ATP8B3: variants seen among roughly 807,000 people sequenced by gnomAD.
The protein encoded by ATP8B3 is phospholipid-transporting ATPase IK.
In ATP8B3, 141 loss-of-function variants were observed where a neutral mutation model predicts 140.9. The ratio of observed to expected loss-of-function variants is 1.00; its 90% CI spans 0.87 to 1.15. The LOEUF is 1.15. Among genes scored for constraint, ATP8B3 ranks in the 50% most tolerant of loss-of-function variants. The probability of loss-of-function intolerance (pLI) is 0.00; values close to 1 mark genes in which losing one functional copy is unlikely to be tolerated. For missense variants in ATP8B3, 1,874 were observed against 1,740.6 expected (o/e 1.08, Z -1.36); for synonymous variants, 765 against 714.6 (o/e 1.07, Z -1.13).
chr19:1,783,578 C>T (rs2068220800), intron 28 of ATP8B3, among the ~76,000 whole-genome samples: 1 of 152,226 alleles, frequency 6.6e-6, no homozygotes, highest in Non-Finnish European at 1.5e-5. Flanking sequence ...TTCCCTGGGA[C>T]TTAACCCTGG....
intron 25 of ATP8B3, 108 bp from the exon 26 acceptor site, chr19:1,785,816 C>T (rs894775322): frequency 1.6e-6 from 2 of 1,248,210 alleles, no homozygotes; most frequent in Non-Finnish European, 1.1e-6. Flanking sequence ...CTGTGTGTGG[C>T]TCTTTGAGTT....
In ATP8B3 at chr19:1,806,471, C is replaced by A; in HGVS notation, c.677+157G>T. On this transcript the variant is annotated intron_variant, in intron 7 of 28. Coordinates refer to ENST00000310127, the MANE Select transcript of ATP8B3 (RefSeq NM_138813.4). This position sits in a 1 kb window ranked among gnomAD's most constrained non-coding sequence, Gnocchi z 5.6. ...GCCTCGGCCTCTGTCCTCGTCCCGG[C>A]CAAACGCCTAATGAATGCAGGCCCG... 3 of 1,467,826 alleles carry A rather than the reference C, an allele frequency of 2.0e-6. No individual in the cohort carries two copies. The Admixed American group carries it at 7.1e-5, about 35-fold the overall frequency. The allele number at this position is 1,467,826 out of a possible 1,614,324, so 90.9% of individuals were successfully genotyped here.
Position 1,806,631 on chromosome 19 carries a change from T to G in ATP8B3, c.674A>C (p.Lys225Thr), listed in dbSNP as rs1307946395. 6.4e-7 allele frequency: 1 copy of G among 1,558,140 alleles called. No individual in the cohort carries two copies. Among genetic ancestry groups the G allele is most frequent in the Non-Finnish European group, 8.7e-7 (1 of 1,151,266 alleles). Residue 225 changes from lysine (K) to threonine (T), a missense_variant, in exon 7 of 29, where the codon AAG becomes ACG. By Grantham distance (78) the Lys-to-Thr change is moderately conservative (BLOSUM62 -1). This residue lies in a region of ATP8B3 where 1,032 missense variants were observed against 963.6 expected (regional missense o/e 1.07). Coordinates refer to ENST00000310127, the MANE Select transcript of ATP8B3 (RefSeq NM_138813.4). This position sits in a 1 kb window ranked among gnomAD's most constrained non-coding sequence, Gnocchi z 5.6. ...NNRPCQILMG[K>T]SFKQKKWQDL... is the part of the protein sequence containing the mutation. ...CCAGCTGCAGCCCCAGCCTCACCTC[T>G]TCCCCATCAGAATCTGGCAGGGTCT...
chr19:1,785,209 G>A lies in ATP8B3; in HGVS notation c.3482C>T (p.Thr1161Ile). ...LGFYAIMTTT[T>I]QSFWLFRVSP... ...TACTCTGAAGAGCCAGAAGCTCTGG[G>A]TGGTGGTAGTCATGATGGCGTAGAA... Residue 1161 changes from threonine (T) to isoleucine (I), a missense_variant, in exon 27 of 29, where the codon ACC becomes ATC. By Grantham distance (89) the Thr-to-Ile change is moderately conservative (BLOSUM62 -1). This residue lies in a region of ATP8B3 where 840 missense variants were observed against 760.9 expected (regional missense o/e 1.10). Coordinates refer to ENST00000310127, the MANE Select transcript of ATP8B3 (RefSeq NM_138813.4). 2 of 1,606,100 alleles carry A rather than the reference G, an allele frequency of 1.2e-6. No homozygotes were observed. The highest frequency in any genetic ancestry group is 1.1e-5 in the South Asian group (1 of 89,658).
At chr19:1,785,980 T>G (rs1329175803) in intron 25 of ATP8B3, among the ~76,000 whole-genome samples, 2 of 151,464 alleles carry the variant, frequency 1.3e-5, no homozygotes, top group African/African-American at 4.9e-5. Context: ...AAAAACCTTT[T>G]AAAGGAGCTG....
Position 1,785,305 on chromosome 19 carries a change from G to C in ATP8B3, c.3394-8C>G. On this transcript the variant is annotated splice_polypyrimidine_tract_variant and splice_region_variant and intron_variant, in intron 26 of 28. Transcript: ENST00000310127. ...CTTGATGATAAGAATGACCTGGACA[G>C]GCAGCGGTGGGGTAAATCCGGGGCC... is the stretch of plus-strand genomic sequence containing the variant. 6 of 1,584,402 alleles carry C rather than the reference G, an allele frequency of 3.8e-6. No individual in the cohort carries two copies. The highest frequency in any genetic ancestry group is 2.3e-5 in the South Asian group (2 of 86,878).
At chr19:1,785,884 A>G (rs2068290565) in intron 25 of ATP8B3, among the ~76,000 whole-genome samples, 176 bp from the exon 26 acceptor site, 2 of 151,986 alleles carry the variant, frequency 1.3e-5, no homozygotes, top group Admixed American at 1.3e-4. Flanking sequence ...TAATCTCAGC[A>G]CTTTAGGAGG....
chr19:1,795,718 C>A (rs1228053437), intron 18 of ATP8B3, among the ~76,000 whole-genome samples, 157 bp downstream of exon 18: 1 of 149,736 alleles, frequency 6.7e-6, no homozygotes, highest in Non-Finnish European at 1.5e-5. Flanking sequence ...CATAGCCATC[C>A]CAGGTACCTG....
At position 1,800,336 on chromosome 19, in the gene ATP8B3, C is replaced by A. The variant is rs1320639902; in HGVS notation, c.1266G>T (p.Val422=). The A allele has an allele frequency of 6.2e-7, 1 of 1,612,586 alleles. No individual in the cohort carries two copies. The highest frequency in any genetic ancestry group is 1.3e-5 in the African/African-American group (1 of 74,828). The change falls in exon 13 of 29, where the codon GTG becomes GTT. Residue 422 remains valine (V), a synonymous_variant. Transcript: ENST00000310127. The surrounding 1 kb of genome is among the most constrained non-coding windows in gnomAD (Gnocchi z 4.4). ...YYLSGVHGSS[V]AAESFFVFWS... is the part of the protein sequence containing the mutation. ...AGAAGACGAAGAAGGACTCTGCGGC[C>A]ACGCTGCTCCCATGCACCCCCGAGA...
At chr19:1,809,024 A>G (rs917758025) in intron 4 of ATP8B3, among the ~76,000 whole-genome samples, 1 of 151,374 alleles carries the variant, frequency 6.6e-6, no homozygotes, top group Admixed American at 6.6e-5. Flanking sequence ...GATGCAAAAA[A>G]TTAGCCGGGC....
At chr19:1,792,235 A>G in intron 18 of ATP8B3, 100 bp from the exon 19 acceptor site, 2 of 1,364,494 alleles carry the variant, frequency 1.5e-6, no homozygotes, top group East Asian at 5.1e-5. Flanking sequence ...TGGGTCCCCC[A>G]ACCAAAAGCC....
chr19:1,794,655 G>A lies in ATP8B3; in HGVS notation c.2055+1220C>T, dbSNP rs7252799. Among the ~76,000 whole-genome samples the A allele has an allele frequency of 0.015, 2,286 of 152,218 alleles. 50 individuals are homozygous for A. The highest frequency in any genetic ancestry group is 0.053 in the African/African-American group (2,185 of 41,522). ...CTTGTGGCTGAGTCATGAGGACACC[G>A]AAAGCTTCTGAATGACAAAGGTGCA... On this transcript the variant is annotated intron_variant, in intron 18 of 28. Coordinates refer to ENST00000310127, the MANE Select transcript of ATP8B3 (RefSeq NM_138813.4). This position sits in a 1 kb window ranked among gnomAD's most constrained non-coding sequence, Gnocchi z 4.8.
chr19:1,796,079 A>T lies in ATP8B3; in HGVS notation c.1940T>A (p.Leu647Gln). 6.2e-7 allele frequency: 1 copy of T among 1,612,718 alleles called. No homozygotes were observed. Among genetic ancestry groups the T allele is most frequent in the Non-Finnish European group, 8.5e-7 (1 of 1,179,700 alleles). The change falls in exon 17 of 29, where the codon CTG becomes CAG. Residue 647 changes from leucine (L) to glutamine (Q), a missense_variant and splice_region_variant. Physicochemically the swap from Leu to Gln is moderately radical, Grantham distance 113. Transcript: ENST00000310127. The stretch of plus-strand genomic sequence containing the variant: ...AGGGCTTGGGTGGCGGGGCTCACCC[A>T]GCACCGACATCCGTTTGCGCGTGCT... ...FNSTRKRMSVLVRKPEGAICL... is the reference protein window; with the variant it reads ...FNSTRKRMSVQVRKPEGAICL...
At chr19:1,788,584 A>C (rs1260285491) in intron 24 of ATP8B3, among the ~76,000 whole-genome samples, 2 of 152,198 alleles carry the variant, frequency 1.3e-5, no homozygotes, top group Non-Finnish European at 2.9e-5. Context: ...CGGGAGGCGG[A>C]GGCTGCAGTG....
chr19:1,796,009 T>A (rs1051410501), intron 17 of ATP8B3, 22 bp from the exon 18 acceptor site: 17 of 1,612,582 alleles, frequency 1.1e-5, no homozygotes, highest in Middle Eastern at 1.6e-4. Context: ...CAGGCCCTGC[T>A]GCCCACAGAG....
chr19:1,782,896 T>C lies in ATP8B3; in HGVS notation c.*132A>G, dbSNP rs1179424630. On this transcript the variant is annotated 3_prime_UTR_variant, in exon 29 of 29. Transcript: ENST00000310127. The stretch of plus-strand genomic sequence containing the variant: ...ATTTGGGGAGGGCAGGTTGGTTTTC[T>C]GGATGAAGAGCGGATTGTCTATCCA... 1 of 1,285,184 alleles carries C rather than the reference T, an allele frequency of 7.8e-7. No homozygotes were observed. Among genetic ancestry groups the C allele is most frequent in the South Asian group, 1.5e-5 (1 of 66,438 alleles). 79.6% of individuals were successfully genotyped at this position (1,285,184 alleles called of 1,614,324 possible). A position where few individuals can be genotyped will look rare whatever the true frequency, so the allele number is the denominator to read the frequency against.
In ATP8B3 at chr19:1,807,141, C is replaced by A; in HGVS notation, c.615+27G>T. 6.3e-7 allele frequency: 1 copy of A among 1,596,612 alleles called. No homozygotes were observed. The highest frequency in any genetic ancestry group is 1.1e-5 in the South Asian group (1 of 90,720). ...CCCCGACCGGCCCCGCTCCCTCCCC[C>A]AGGCAGCTGCATCCAACAGCACTCA... On this transcript the variant is annotated intron_variant, in intron 6 of 28. Transcript: ENST00000310127. The surrounding 1 kb of genome is among the most constrained non-coding windows in gnomAD (Gnocchi z 5.9).
At position 1,802,658 on chromosome 19, in the gene ATP8B3, A is replaced by G; in HGVS notation, c.905-13T>C. On this transcript the variant is annotated splice_polypyrimidine_tract_variant and intron_variant, in intron 10 of 28. Coordinates refer to ENST00000310127, the MANE Select transcript of ATP8B3 (RefSeq NM_138813.4). ...CACGTCACTGTGCCTGTGGGTGGCCAGGTGGTCAGTGGGTCAGTGGGCTCA... is the reference window on the plus strand; with the variant it reads ...CACGTCACTGTGCCTGTGGGTGGCCGGGTGGTCAGTGGGTCAGTGGGCTCA... 1 of 1,605,032 alleles carries G rather than the reference A, an allele frequency of 6.2e-7. No homozygotes were observed. Among genetic ancestry groups the G allele is most frequent in the Non-Finnish European group, 8.5e-7 (1 of 1,176,584 alleles).
rs1019626682 is a variant in ATP8B3, at chr19:1,812,220, G to A, written c.-183C>T. The A allele has an allele frequency of 1.4e-4, 22 of 154,412 alleles. No individual in the cohort carries two copies. The highest frequency in any genetic ancestry group is 3.3e-4 in the Admixed American group (5 of 15,330). 9.6% of individuals were successfully genotyped at this position (154,412 alleles called of 1,614,324 possible). A position where few individuals can be genotyped will look rare whatever the true frequency, so the allele number is the denominator to read the frequency against. On this transcript the variant is annotated 5_prime_UTR_variant, in exon 1 of 29. Transcript: ENST00000310127. ...AGAGGCAGGGGGGGGCAGGCCGCGG[G>A]CGTCCAGGGCGGCGGACGTGGTGGA...
Sources: allele counts gnomAD v4.1 joint callset (sites outside exome capture counted in the v4.1 genomes callset), GRCh38; gene constraint gnomAD v4.1.1; regional missense constraint gnomAD v4.1.1; non-coding constraint Gnocchi (gnomAD v3.1); transcripts MANE v1.5; gene names NCBI Gene and HGNC (gene_info 2026-07-23, HGNC 2026-07-21).